The following TRPM3 variants were observed in gnomAD, a reference collection of about 807,000 sequenced individuals.
TRPM3 encodes the protein transient receptor potential cation channel subfamily M member 3.
TRPM3 carries 77 observed loss-of-function variants against 181.2 expected under a neutral mutation model. The observed-to-expected ratio is 0.42, with a 90% confidence interval of 0.35 to 0.51. The LOEUF (loss-of-function observed/expected upper bound fraction) is 0.51, where lower values mean the gene tolerates loss of function less well. TRPM3 is among the 20% of genes least tolerant of loss of function. The pLI, the probability that TRPM3 is intolerant of heterozygous loss-of-function variation, is 0.01. For synonymous variants in TRPM3, 745 were observed against 796.4 expected, an observed-to-expected ratio of 0.94 and a Z score of 1.09; for missense variants, 1,759 against 2,196.7, an observed-to-expected ratio of 0.80 and a Z score of 3.98.
intron 1 of TRPM3, among the ~76,000 whole-genome samples, chr9:71,003,226 T>C (rs910160787): frequency 6.7e-6 from 1 of 150,154 alleles, no homozygotes; most frequent in Non-Finnish European, 1.5e-5. Flanking sequence ...TAACAGTATA[T>C]CCTGTAAATC....
intron 6 of TRPM3, among the ~76,000 whole-genome samples, chr9:70,813,050 A>T (rs1393113111): frequency 6.6e-6 from 1 of 152,246 alleles, no homozygotes; most frequent in Non-Finnish European, 1.5e-5. Context: ...AGGTTCAGAT[A>T]AAAGCTCTAC....
chr9:70,638,522 A>G (rs542993930), intron 11 of TRPM3, among the ~76,000 whole-genome samples: 64 of 152,194 alleles, frequency 4.2e-4, no homozygotes, highest in Non-Finnish European at 8.1e-4. Flanking sequence ...TGGTATCCCT[A>G]GTGAGTAAAT....
At chr9:71,027,195 G>A (rs138767950) in intron 1 of TRPM3, among the ~76,000 whole-genome samples, 55 of 152,248 alleles carry the variant, frequency 3.6e-4, no homozygotes, top group African/African-American at 1.3e-3. Flanking sequence ...TACTGTCTAG[G>A]AGCCCTGAGC....
chr9:70,593,464 G>T (rs2058473446), intron 21 of TRPM3, among the ~76,000 whole-genome samples: 2 of 152,166 alleles, frequency 1.3e-5, no homozygotes, highest in Admixed American at 1.3e-4. Context: ...GGAGAGGAAG[G>T]TTTGTGCTCA....
At chr9:71,168,698 A>C (rs2076686644) in intron 1 of TRPM3, among the ~76,000 whole-genome samples, 1 of 146,738 alleles carries the variant, frequency 6.8e-6, no homozygotes, top group Admixed American at 6.9e-5. Context: ...ACACTGTGTA[A>C]CTGACAGTAG....
intron 9 of TRPM3, among the ~76,000 whole-genome samples, chr9:70,652,888 C>A (rs912395751): frequency 6.6e-6 from 1 of 152,094 alleles, no homozygotes; most frequent in Non-Finnish European, 1.5e-5. Flanking sequence ...TAAGAGTCTG[C>A]AGAGTGAGTG....
At chr9:70,742,947 T>C (rs777618546) in intron 8 of TRPM3, among the ~76,000 whole-genome samples, 5 of 152,168 alleles carry the variant, frequency 3.3e-5, no homozygotes, top group East Asian at 1.9e-4. Context: ...CCACAATCAA[T>C]CACCAATTCC....
chr9:70,909,314 T>A (rs2096510718), intron 1 of TRPM3, among the ~76,000 whole-genome samples: 1 of 152,232 alleles, frequency 6.6e-6, no homozygotes, highest in African/African-American at 2.4e-5. Flanking sequence ...CATAGGACCT[T>A]ACATTTCTAT....
At chr9:71,210,475 G>A (rs1312707445) in intron 1 of TRPM3, among the ~76,000 whole-genome samples, 1 of 152,064 alleles carries the variant, frequency 6.6e-6, no homozygotes, top group African/African-American at 2.4e-5. Flanking sequence ...TCACAAAACC[G>A]GTCCCTGGTG....
At chr9:71,310,011 A>G (rs2087763507) in intron 1 of TRPM3, among the ~76,000 whole-genome samples, 1 of 152,158 alleles carries the variant, frequency 6.6e-6, no homozygotes, top group Non-Finnish European at 1.5e-5. Flanking sequence ...TAACATATTA[A>G]GGCAGATAGC....
At chr9:70,637,620 C>T (rs1410283557) in intron 11 of TRPM3, among the ~76,000 whole-genome samples, 1 of 152,082 alleles carries the variant, frequency 6.6e-6, no homozygotes, top group Non-Finnish European at 1.5e-5. Flanking sequence ...AAAACAGAGA[C>T]TAGGAGACAT....
chr9:71,332,909 T>C (rs1021882269), intron 1 of TRPM3, among the ~76,000 whole-genome samples: 6 of 151,896 alleles, frequency 4.0e-5, no homozygotes, highest in Non-Finnish European at 4.4e-5. Context: ...TTTTAAATCA[T>C]TGAAATATCC....
chr9:70,988,281 C>T (rs2097441349), intron 1 of TRPM3, among the ~76,000 whole-genome samples: 1 of 152,152 alleles, frequency 6.6e-6, no homozygotes, highest in Admixed American at 6.6e-5. Flanking sequence ...CAGAGCTAAG[C>T]ATATAGGCTT....
chr9:71,340,778 C>T (rs2090908200), intron 1 of TRPM3, among the ~76,000 whole-genome samples: 3 of 152,046 alleles, frequency 2.0e-5, no homozygotes, highest in Non-Finnish European at 2.9e-5. Context: ...AATGAGCATA[C>T]CTAGCAAACA....
chr9:70,644,764 A>G (rs1483270159), intron 9 of TRPM3, among the ~76,000 whole-genome samples: 2 of 152,182 alleles, frequency 1.3e-5, no homozygotes, highest in Non-Finnish European at 2.9e-5. Flanking sequence ...GAGGAAGTCA[A>G]ATTGTTTCTG....
chr9:71,187,925 AG>A (rs2077777389), intron 1 of TRPM3, among the ~76,000 whole-genome samples: 1 of 145,290 alleles, frequency 6.9e-6, no homozygotes, highest in Non-Finnish European at 1.5e-5. Flanking sequence ...ATAGATAGAT[AG>A]ATAGATAGAT....
chr9:70,869,911 A>G (rs1298239935), intron 1 of TRPM3, among the ~76,000 whole-genome samples: 2 of 152,062 alleles, frequency 1.3e-5, no homozygotes, highest in African/African-American at 4.8e-5. Flanking sequence ...TATTTTAGAT[A>G]ATAGTATTCT....
chr9:71,025,732 A>G (rs2097890334), intron 1 of TRPM3, among the ~76,000 whole-genome samples: 1 of 152,142 alleles, frequency 6.6e-6, no homozygotes, highest in African/African-American at 2.4e-5. Flanking sequence ...GATAGTAGAG[A>G]GCAGTCTTCA....
chr9:71,015,237 G>A (rs892689225), intron 1 of TRPM3, among the ~76,000 whole-genome samples: 1 of 152,142 alleles, frequency 6.6e-6, no homozygotes, highest in African/African-American at 2.4e-5. Context: ...TGGTCCTTCA[G>A]TTGAATGCTC....
Sources: allele counts gnomAD v4.1 joint callset (sites outside exome capture counted in the v4.1 genomes callset), GRCh38; gene constraint gnomAD v4.1.1; transcripts MANE v1.5; gene names NCBI Gene and HGNC (gene_info 2026-07-23, HGNC 2026-07-21).